Variants in NOVA1 observed in about 807,000 individuals in gnomAD.
NOVA1 encodes NOVA alternative splicing regulator 1.
NOVA1 carries 7 observed loss-of-function variants against 38.0 expected under a neutral mutation model. The ratio of observed to expected loss-of-function variants is 0.18; its 90% CI spans 0.10 to 0.35. The LOEUF (loss-of-function observed/expected upper bound fraction) is 0.35. Ranked by LOEUF, NOVA1 falls within the 10% of genes least tolerant of loss-of-function variation. NOVA1 has a pLI of 1.00. For synonymous variants in NOVA1, 270 were observed against 232.5 expected (o/e 1.16, Z -1.47); for missense variants, 460 against 616.0 (o/e 0.75, Z 2.68).
chr14:26,597,272 GC>G, intron 1 of NOVA1, 28 bp downstream of exon 1: 2 of 1,237,164 alleles, frequency 1.6e-6, no homozygotes, highest in Non-Finnish European at 2.0e-6. Flanking sequence ...GGGGGATGGG[GC>G]CAGCGGGGAG....
chr14:26,518,125 T>C (rs1240220655), intron 2 of NOVA1, among the ~76,000 whole-genome samples: 1 of 152,098 alleles, frequency 6.6e-6, no homozygotes, highest in Non-Finnish European at 1.5e-5. Flanking sequence ...AGAGTTATTT[T>C]GTAATAAAAT....
rs1302664477 is a variant in NOVA1 at position 26,446,417 on chromosome 14, G to A, written c.*1542C>T. On this transcript the variant is annotated 3_prime_UTR_variant, in exon 5 of 5. Coordinates refer to ENST00000539517, the MANE Select transcript of NOVA1 (RefSeq NM_002515.3). ...TCATTGTTCTTTAATTGGTTGCACA[G>A]AAAGGAGCAGCTGGGATGCCATTTA... 1 of 152,702 alleles carries A rather than the reference G, an allele frequency of 6.5e-6. No individual in the cohort carries two copies. The highest frequency in any genetic ancestry group is 1.5e-5 in the Non-Finnish European group (1 of 68,064). The allele number at this position is 152,702 out of a possible 1,614,324, so 9.5% of individuals were successfully genotyped here.
intron 2 of NOVA1, among the ~76,000 whole-genome samples, chr14:26,494,353 T>G (rs11845987): frequency 0.29 from 44,604 of 151,988 alleles, 7,176 homozygotes; most frequent in African/African-American, 0.42. Context: ...GGCATGAAAT[T>G]TTGGCTATTT....
chr14:26,553,781 C>A, intron 2 of NOVA1, among the ~76,000 whole-genome samples: 1 of 151,980 alleles, frequency 6.6e-6, no homozygotes, highest in African/African-American at 2.4e-5. Flanking sequence ...CCAAAAACAA[C>A]CCCCATGCTC....
intron 4 of NOVA1, among the ~76,000 whole-genome samples, chr14:26,453,319 T>G (rs1317533277): frequency 6.6e-6 from 1 of 152,044 alleles, no homozygotes; most frequent in African/African-American, 2.4e-5. Context: ...GCGATCCACC[T>G]GGTTCAGCCT....
intron 2 of NOVA1, among the ~76,000 whole-genome samples, chr14:26,571,651 G>A (rs1168018466): frequency 6.6e-6 from 1 of 152,242 alleles, no homozygotes; most frequent in East Asian, 1.9e-4. Context: ...TCTCACATCA[G>A]GTTTTAACTG....
At chr14:26,474,540 T>C (rs917039542) in intron 3 of NOVA1, among the ~76,000 whole-genome samples, 1 of 151,996 alleles carries the variant, frequency 6.6e-6, no homozygotes, top group Non-Finnish European at 1.5e-5. Context: ...TGGACATGTA[T>C]TAATAATTGA....
chr14:26,539,216 A>G (rs1389493773), intron 2 of NOVA1, among the ~76,000 whole-genome samples: 1 of 152,192 alleles, frequency 6.6e-6, no homozygotes, highest in Non-Finnish European at 1.5e-5. Context: ...GGTACACAGT[A>G]TTACTAAATA....
At chr14:26,524,849 A>T (rs1222853977) in intron 2 of NOVA1, among the ~76,000 whole-genome samples, 1 of 152,122 alleles carries the variant, frequency 6.6e-6, no homozygotes, top group African/African-American at 2.4e-5. Context: ...ACAACATAAA[A>T]TTTTTTAAAG....
At chr14:26,572,725 A>AGTGTGTGTGTGTGTGTGTGTGTGTGT (rs56021646) in intron 2 of NOVA1, among the ~76,000 whole-genome samples, 13 of 138,538 alleles carry the variant, frequency 9.4e-5, no homozygotes, top group Non-Finnish European at 1.6e-4. Context: ...AAGGAACCGC[A>AGTGTGTGTGTGTGTGTGTGTGTGTGT]GTGTGTGTGT....
intron 2 of NOVA1, among the ~76,000 whole-genome samples, chr14:26,550,057 A>G (rs1304064639): frequency 1.3e-5 from 2 of 152,184 alleles, no homozygotes; most frequent in East Asian, 1.9e-4. Context: ...TACTTACTCA[A>G]TTCACAAAAT....
At chr14:26,571,144 A>AATAT (rs764542201) in intron 2 of NOVA1, among the ~76,000 whole-genome samples, 1 of 149,008 alleles carries the variant, frequency 6.7e-6, no homozygotes, top group South Asian at 2.1e-4. Context: ...TATGGATTAA[A>AATAT]ATATATATAT....
chr14:26,447,720 C>A lies in NOVA1; in HGVS notation c.*239G>T. 1.9e-6 allele frequency: 1 copy of A among 528,252 alleles called. No individual in the cohort carries two copies. Among genetic ancestry groups the A allele is most frequent in the Non-Finnish European group, 3.4e-6 (1 of 297,814 alleles). The allele number at this position is 528,252 out of a possible 1,614,324, so 32.7% of individuals were successfully genotyped here. On this transcript the variant is annotated 3_prime_UTR_variant, in exon 5 of 5. Coordinates refer to ENST00000539517, the MANE Select transcript of NOVA1 (RefSeq NM_002515.3). ...GGCTTAAATCTTACACTAGAAACAC[C>A]TCTGACAAATATACACAAGCAAAGT... is the stretch of plus-strand genomic sequence containing the variant.
intron 2 of NOVA1, among the ~76,000 whole-genome samples, chr14:26,555,578 C>A (rs145093956): frequency 6.6e-6 from 1 of 152,196 alleles, no homozygotes; most frequent in East Asian, 1.9e-4. Context: ...GTTTTTTCTA[C>A]TCTACTTTCT....
chr14:26,518,992 T>TA (rs1392298272), intron 2 of NOVA1, among the ~76,000 whole-genome samples: 1 of 152,114 alleles, frequency 6.6e-6, no homozygotes, highest in Non-Finnish European at 1.5e-5. Flanking sequence ...CAGAAGGAAA[T>TA]ACCTGGGTTC....
At chr14:26,486,108 T>C (rs1885864358) in intron 2 of NOVA1, among the ~76,000 whole-genome samples, 1 of 152,194 alleles carries the variant, frequency 6.6e-6, no homozygotes, top group African/African-American at 2.4e-5. Flanking sequence ...ATGTTTTTAT[T>C]TCATGCAAGT....
chr14:26,597,249 A>C, intron 1 of NOVA1, 52 bp downstream of exon 1: 1 of 483,668 alleles, frequency 2.1e-6, no homozygotes, highest in Non-Finnish European at 2.4e-6. Flanking sequence ...GGAGGGAGGC[A>C]GGGGCGGGCG....
intron 2 of NOVA1, among the ~76,000 whole-genome samples, chr14:26,516,863 G>A (rs1888505262): frequency 6.6e-6 from 1 of 150,736 alleles, no homozygotes; most frequent in Non-Finnish European, 1.5e-5. Flanking sequence ...GGCCTACAAT[G>A]GCCTTCATGT....
rs1886236459 is a variant in NOVA1, at chr14:26,490,307, G to A, written c.281-10164C>T. ...CCTTTTGGCTATTGTGAATACTGCTGCAATGAACACTGGTAGCATCTGCTT... is the reference window on the plus strand; with the variant it reads ...CCTTTTGGCTATTGTGAATACTGCTACAATGAACACTGGTAGCATCTGCTT... On this transcript the variant is annotated intron_variant, in intron 2 of 4. Coordinates refer to ENST00000539517, the MANE Select transcript of NOVA1 (RefSeq NM_002515.3). Among the ~76,000 whole-genome samples the A allele has an allele frequency of 4.6e-5, 7 of 152,094 alleles. No individual in the cohort carries two copies. The South Asian group carries it at 1.5e-3, about 32-fold the overall frequency.
Sources: allele counts gnomAD v4.1 joint callset (sites outside exome capture counted in the v4.1 genomes callset), GRCh38; gene constraint gnomAD v4.1.1; transcripts MANE v1.5; gene names NCBI Gene and HGNC (gene_info 2026-07-23, HGNC 2026-07-21).